DMGDH: variants seen among roughly 807,000 people sequenced by gnomAD.
DMGDH encodes the protein dimethylglycine dehydrogenase, also known as dimethylglycine dehydrogenase, mitochondrial.
DMGDH carries 76 observed loss-of-function variants against 95.2 expected under a neutral mutation model. That is an observed-to-expected ratio of 0.80 (90% confidence interval 0.66 to 0.97). The LOEUF is 0.97. Among genes scored for constraint, DMGDH ranks in the 50% least tolerant of loss-of-function variants. DMGDH has a pLI of 0.00. For synonymous variants in DMGDH, 345 were observed against 377.6 expected (o/e 0.91, Z 1.00); for missense variants, 987 against 1,055.0 (o/e 0.94, Z 0.89).
chr5:79,040,374 C>T (rs1050008280), intron 7 of DMGDH, among the ~76,000 whole-genome samples: 34 of 152,292 alleles, frequency 2.2e-4, no homozygotes, highest in African/African-American at 7.7e-4. Context: ...ATAGTCTTTT[C>T]AATGAATAGT....
At chr5:79,000,246 C>T (rs1273178100) in intron 15 of DMGDH, 1 of 637,138 alleles carries the variant, frequency 1.6e-6, no homozygotes, top group Non-Finnish European at 3.1e-6. Context: ...AGCGTGATAC[C>T]ACCACCATGA....
intron 5 of DMGDH, among the ~76,000 whole-genome samples, chr5:79,048,183 G>T (rs1052809172): frequency 6.6e-6 from 1 of 151,844 alleles, no homozygotes; most frequent in South Asian, 2.1e-4. Context: ...GGTGAGCCCC[G>T]TTCTGGGTAC....
chr5:79,002,635 AAAAGTCAAT>A (rs1753472785), intron 15 of DMGDH, among the ~76,000 whole-genome samples: 1 of 152,206 alleles, frequency 6.6e-6, no homozygotes, highest in Admixed American at 6.5e-5. Flanking sequence ...ACACACACAA[AAAAGTCAAT>A]AAACAAATAC....
At chr5:79,030,486 G>T (rs1360035433) in intron 10 of DMGDH, 8 of 278,776 alleles carry the variant, frequency 2.9e-5, no homozygotes, top group African/African-American at 1.1e-4. Flanking sequence ...CTCTGCTAAA[G>T]AATACAAAAA....
chr5:79,059,309 C>T (rs73132154), intron 2 of DMGDH, among the ~76,000 whole-genome samples: 10,855 of 152,230 alleles, frequency 0.071, 867 homozygotes, highest in African/African-American at 0.18. Context: ...AGACTGCTTT[C>T]AATGGTGGTA....
chr5:79,012,656 G>A (rs1753664630), intron 14 of DMGDH, among the ~76,000 whole-genome samples: 1 of 152,236 alleles, frequency 6.6e-6, no homozygotes, highest in African/African-American at 2.4e-5. Flanking sequence ...TTTAGGTGGA[G>A]GCTCCCAAGC....
chr5:79,042,587 G>T, intron 6 of DMGDH, 106 bp from the exon 7 acceptor site: 1 of 1,067,316 alleles, frequency 9.4e-7, no homozygotes, highest in Non-Finnish European at 1.4e-6. Flanking sequence ...GGCCTGTTAG[G>T]AAAGTACTGC....
At chr5:79,005,533 C>A in intron 14 of DMGDH, 126 bp from the exon 15 acceptor site, 4 of 1,303,372 alleles carry the variant, frequency 3.1e-6, no homozygotes, top group South Asian at 1.3e-5. Context: ...AAATACAGAT[C>A]GGATCATATG....
chr5:79,052,256 C>T (rs542350336), intron 4 of DMGDH, among the ~76,000 whole-genome samples: 3 of 152,228 alleles, frequency 2.0e-5, no homozygotes, highest in African/African-American at 7.2e-5. Context: ...AAAAGGGATA[C>T]CAGTCTTTCT....
chr5:79,050,592 C>T lies in DMGDH; in HGVS notation c.745+695G>A, dbSNP rs370949416. ...GAAAATGACTTGACATGCAATCCAC[C>T]TATTAGAAAGTGTATTAACTCAAGA... On this transcript the variant is annotated intron_variant, in intron 5 of 15. Transcript: ENST00000255189. 1.2e-4 allele frequency among the ~76,000 whole-genome samples: 19 copies of T among 152,228 alleles called. 1 individual carries two copies. Among genetic ancestry groups the T allele is most frequent in the Admixed American group, 6.5e-4 (10 of 15,300 alleles).
chr5:79,006,673 A>G (rs1753550770), intron 14 of DMGDH, among the ~76,000 whole-genome samples: 1 of 152,204 alleles, frequency 6.6e-6, no homozygotes, highest in African/African-American at 2.4e-5. Flanking sequence ...AAAAGCTTTA[A>G]TTTCTTTATT....
At chr5:79,025,219 G>A (rs1353030401) in intron 13 of DMGDH, among the ~76,000 whole-genome samples, 1 of 152,192 alleles carries the variant, frequency 6.6e-6, no homozygotes, top group Non-Finnish European at 1.5e-5. Flanking sequence ...GCTCTCCAGA[G>A]GAGGTCGCCG....
intron 15 of DMGDH, chr5:79,000,472 G>C: frequency 3.3e-6 from 2 of 614,230 alleles, no homozygotes; most frequent in South Asian, 2.8e-5. Context: ...ATCAAAGTCT[G>C]CCTGAAAAGT....
In DMGDH at chr5:79,024,325, G is replaced by A. The variant is rs193210109; in HGVS notation, c.2196C>T (p.Asn732=). 1.1e-4 allele frequency: 170 copies of A among 1,613,382 alleles called. 1 individual carries two copies. The highest frequency in any genetic ancestry group is 3.5e-4 in the Admixed American group (21 of 60,000). ...KAFRAWGLEM[N]CDTNPLEAGL... ...CAGCTTCCAAAGGATTTGTATCACAGTTCATCTAAAAAGGAAACACACATT... is the reference window on the plus strand; with the variant it reads ...CAGCTTCCAAAGGATTTGTATCACAATTCATCTAAAAAGGAAACACACATT... Residue 732 remains asparagine (N), a synonymous_variant, in exon 14 of 16, where the codon AAC becomes AAT. Transcript: ENST00000255189.
At chr5:79,024,402 T>C in intron 13 of DMGDH, 72 bp from the exon 14 acceptor site, 1 of 1,379,136 alleles carries the variant, frequency 7.3e-7, no homozygotes, top group Non-Finnish European at 1.0e-6. Flanking sequence ...TTCATATTTG[T>C]TTTTAGGAGA....
chr5:79,032,096 T>C (rs750085794), intron 9 of DMGDH, among the ~76,000 whole-genome samples: 1 of 152,206 alleles, frequency 6.6e-6, no homozygotes, highest in African/African-American at 2.4e-5. Context: ...GAAAAAAATA[T>C]ATAATCACTA....
At chr5:79,009,019 G>A (rs947103847) in intron 14 of DMGDH, among the ~76,000 whole-genome samples, 1 of 152,094 alleles carries the variant, frequency 6.6e-6, no homozygotes, top group African/African-American at 2.4e-5. Flanking sequence ...TTAAATGCCT[G>A]TGCCTGGAGT....
chr5:79,035,746 G>C (rs114045588), intron 7 of DMGDH, among the ~76,000 whole-genome samples: 2 of 151,578 alleles, frequency 1.3e-5, no homozygotes, highest in Non-Finnish European at 2.9e-5. Flanking sequence ...GTGGGCGGGG[G>C]GGGAATCCTG....
intron 14 of DMGDH, chr5:79,021,611 T>A: frequency 7.6e-7 from 1 of 1,313,902 alleles, no homozygotes; most frequent in South Asian, 1.2e-5. Context: ...TTCACCCTAA[T>A]AAGGCCTGAT....
Sources: gnomAD v4.1 joint callset for allele counts (sites outside exome capture counted in the v4.1 genomes callset) on GRCh38, gnomAD v4.1.1 for gene constraint, MANE v1.5 for transcripts, NCBI Gene and HGNC (gene_info 2026-07-23, HGNC 2026-07-21) for gene names.